AKAP7: variants seen among roughly 807,000 people sequenced by gnomAD.
The protein encoded by AKAP7 is A kinase (PRKA) anchor protein 7.
AKAP7 carries 39 observed loss-of-function variants against 39.5 expected under a neutral mutation model. The ratio of observed to expected loss-of-function variants is 0.99; its 90% CI spans 0.76 to 1.29. The LOEUF (loss-of-function observed/expected upper bound fraction) is 1.29, where lower values mean the gene tolerates loss of function less well. Ranked by LOEUF, AKAP7 falls within the 50% of genes most tolerant of loss-of-function variation. The pLI is 0.00. For synonymous variants in AKAP7, 140 were observed against 139.1 expected (o/e 1.01, Z -0.05); for missense variants, 414 against 407.7 (o/e 1.02, Z -0.13).
intron 7 of AKAP7, among the ~76,000 whole-genome samples, chr6:131,261,688 AC>A (rs1265992168): frequency 6.6e-6 from 1 of 152,178 alleles, no homozygotes; most frequent in Non-Finnish European, 1.5e-5. Flanking sequence ...TTCATGAAAT[AC>A]GCATTTTTTT....
At chr6:131,199,298 G>T (rs577994116) in intron 5 of AKAP7, among the ~76,000 whole-genome samples, 163 bp from the exon 6 acceptor site, 32 of 152,262 alleles carry the variant, frequency 2.1e-4, no homozygotes, top group African/African-American at 5.5e-4. Flanking sequence ...CATACACATT[G>T]TAGATTTTTT....
intron 7 of AKAP7, among the ~76,000 whole-genome samples, chr6:131,224,587 T>TTG (rs1292780871): frequency 6.6e-6 from 1 of 152,156 alleles, no homozygotes; most frequent in Non-Finnish European, 1.5e-5. Flanking sequence ...TTTCCTATCT[T>TTG]TGTTAATGGT....
chr6:131,141,899 C>CTTTTT (rs773131426), intron 1 of AKAP7, among the ~76,000 whole-genome samples: 37 of 116,160 alleles, frequency 3.2e-4, no homozygotes, highest in African/African-American at 7.1e-4. Context: ...TTCTTTCTTT[C>CTTTTT]TTTTTTTTTT....
chr6:131,181,495 G>T (rs1309472065), intron 5 of AKAP7, among the ~76,000 whole-genome samples: 2 of 152,054 alleles, frequency 1.3e-5, no homozygotes, highest in Admixed American at 1.3e-4. Context: ...ACAGTCTGCC[G>T]CTTTGCTTCC....
At chr6:131,140,378 C>T (rs1435364016) in intron 1 of AKAP7, among the ~76,000 whole-genome samples, 1 of 152,144 alleles carries the variant, frequency 6.6e-6, no homozygotes, top group African/African-American at 2.4e-5. Flanking sequence ...ATAGCACTTG[C>T]TCTCTAATTG....
intron 7 of AKAP7, among the ~76,000 whole-genome samples, chr6:131,277,269 C>T (rs1397342110): frequency 6.6e-6 from 1 of 152,086 alleles, no homozygotes; most frequent in African/African-American, 2.4e-5. Context: ...TTACTATTCT[C>T]CTAAGAAATT....
chr6:131,257,452 G>A (rs952391769), intron 7 of AKAP7, among the ~76,000 whole-genome samples: 7 of 151,746 alleles, frequency 4.6e-5, no homozygotes, highest in Non-Finnish European at 1.0e-4. Context: ...AAGGCACTTG[G>A]AATGTCAGAC....
intron 6 of AKAP7, among the ~76,000 whole-genome samples, chr6:131,209,171 T>C: frequency 6.7e-6 from 1 of 149,032 alleles, no homozygotes; most frequent in Non-Finnish European, 1.5e-5. Flanking sequence ...CCAGCTTAAG[T>C]GATTTTTTTT....
chr6:131,197,295 C>T (rs947189657), intron 5 of AKAP7, among the ~76,000 whole-genome samples: 9 of 152,054 alleles, frequency 5.9e-5, no homozygotes, highest in Non-Finnish European at 1.0e-4. Context: ...CATAGAATTT[C>T]GTATACTGAT....
At chr6:131,204,384 AATACT>A (rs1191504725) in intron 6 of AKAP7, among the ~76,000 whole-genome samples, 1 of 152,200 alleles carries the variant, frequency 6.6e-6, no homozygotes, top group African/African-American at 2.4e-5. Context: ...AAGTAAATAA[AATACT>A]ATACTCTTTA....
intron 6 of AKAP7, among the ~76,000 whole-genome samples, chr6:131,219,163 G>A (rs951496427): frequency 5.3e-5 from 8 of 151,536 alleles, no homozygotes; most frequent in East Asian, 1.9e-4. Context: ...GGTAACACGC[G>A]CCTGTAGTCC....
chr6:131,255,464 G>A (rs1025248167), intron 7 of AKAP7, among the ~76,000 whole-genome samples: 1 of 152,162 alleles, frequency 6.6e-6, no homozygotes, highest in African/African-American at 2.4e-5. Context: ...CTGGGCCCCA[G>A]GGAATGAGGA....
At position 131,259,583 on chromosome 6, in the gene AKAP7, A is replaced by T. The variant is rs1306864034; in HGVS notation, c.851-21947A>T. Among the ~76,000 whole-genome samples the T allele has an allele frequency of 3.3e-5, 5 of 152,330 alleles. No homozygotes were observed. The East Asian group carries it at 9.6e-4, about 29-fold the overall frequency. On this transcript the variant is annotated intron_variant, in intron 7 of 7. Transcript: ENST00000431975. ...TTTGGTGGTCTTAGAAGCCAGTGGTAAAGATACATTAAACCCAGTAGTATT... is the reference window on the plus strand; with the variant it reads ...TTTGGTGGTCTTAGAAGCCAGTGGTTAAGATACATTAAACCCAGTAGTATT...
At chr6:131,192,521 T>C (rs1190797) in intron 5 of AKAP7, among the ~76,000 whole-genome samples, 150,537 of 152,312 alleles carry the variant, frequency 0.99, 74,399 homozygotes, top group East Asian at 1. Context: ...TTAAGTAATA[T>C]GATTCCTCCA....
At chr6:131,234,545 C>T (rs1436273392) in intron 7 of AKAP7, among the ~76,000 whole-genome samples, 1 of 151,280 alleles carries the variant, frequency 6.6e-6, no homozygotes, top group Non-Finnish European at 1.5e-5. Flanking sequence ...GAAGTCTGTG[C>T]AGGGACGTGT....
chr6:131,157,387 T>G (rs1802516303), intron 2 of AKAP7, among the ~76,000 whole-genome samples: 1 of 152,178 alleles, frequency 6.6e-6, no homozygotes. Flanking sequence ...CCAACTATAT[T>G]AAAATTGGCT....
intron 6 of AKAP7, among the ~76,000 whole-genome samples, chr6:131,207,260 A>C (rs1031756582): frequency 6.6e-6 from 1 of 151,996 alleles, no homozygotes; most frequent in African/African-American, 2.4e-5. Context: ...GAATCTTTTC[A>C]CTTGTCCTCC....
chr6:131,166,289 CT>C (rs1166549839), intron 4 of AKAP7, among the ~76,000 whole-genome samples: 2 of 152,098 alleles, frequency 1.3e-5, no homozygotes, highest in African/African-American at 2.4e-5. Flanking sequence ...TTCTCTGATG[CT>C]CTTGAAAGAG....
At chr6:131,159,952 A>T (rs1802792443) in intron 2 of AKAP7, 107 bp from the exon 3 acceptor site, 1 of 1,056,338 alleles carries the variant, frequency 9.5e-7, no homozygotes, top group South Asian at 1.9e-5. Flanking sequence ...TAGATTTGAA[A>T]ATGACACTGA....
Sources: gnomAD v4.1 joint callset for allele counts (sites outside exome capture counted in the v4.1 genomes callset) on GRCh38, gnomAD v4.1.1 for gene constraint, MANE v1.5 for transcripts, NCBI Gene and HGNC (gene_info 2026-07-23, HGNC 2026-07-21) for gene names.